The following RTTN variants were observed in gnomAD, a reference collection of about 807,000 sequenced individuals.
RTTN encodes the protein rotatin.
RTTN carries 182 observed loss-of-function variants against 269.2 expected under a neutral mutation model. The observed-to-expected ratio is 0.68, with a 90% CI of 0.60 to 0.76. The LOEUF is 0.76. Among genes scored for constraint, RTTN ranks in the 30% least tolerant of loss-of-function variants. The pLI is 0.00. For missense variants in RTTN, 2,545 were observed against 2,608.6 expected, an observed-to-expected ratio of 0.98 and a Z score of 0.53; for synonymous variants, 1,006 against 963.5, an observed-to-expected ratio of 1.04 and a Z score of -0.82.
At chr18:70,095,998 G>GT (rs111933421) in intron 28 of RTTN, among the ~76,000 whole-genome samples, 4,863 of 137,764 alleles carry the variant, frequency 0.035, 117 homozygotes, top group African/African-American at 0.075. Flanking sequence ...ATTCCCTTTT[G>GT]TTTTTTTTTT....
In RTTN at chr18:70,128,404, T is replaced by G; in HGVS notation, c.3097A>C (p.Ser1033Arg). 1 of 1,613,112 alleles carries G rather than the reference T, an allele frequency of 6.2e-7. No individual in the cohort carries two copies. Among genetic ancestry groups the G allele is most frequent in the South Asian group, 1.1e-5 (1 of 91,020 alleles). ...TTCATTTGCTTCAACAGATTATCACTCCCATGATACCATGACAGGTTCCAA... is the reference window on the plus strand; with the variant it reads ...TTCATTTGCTTCAACAGATTATCACGCCCATGATACCATGACAGGTTCCAA... ...IAWNLSWYHG[S>R]DNLLKQMNSE... The change falls in exon 24 of 49, where the codon AGT becomes CGT. Residue 1033 changes from serine (S) to arginine (R), a missense_variant. By Grantham distance (110) the Ser-to-Arg change is moderately radical. Coordinates refer to ENST00000640769, the MANE Select transcript of RTTN (RefSeq NM_173630.4).
intron 21 of RTTN, 55 bp downstream of exon 21, chr18:70,139,544 G>T (rs2060204477): frequency 9.0e-7 from 1 of 1,112,402 alleles, no homozygotes; most frequent in Non-Finnish European, 1.3e-6. Context: ...AATTAAAGAA[G>T]AAACACTTAA....
intron 35 of RTTN, 25 bp from the exon 36 acceptor site, chr18:70,060,067 A>T (rs2057934825): frequency 6.4e-7 from 1 of 1,559,980 alleles, no homozygotes; most frequent in African/African-American, 1.4e-5. Context: ...AAACATAAGA[A>T]TTATTATTTA....
intron 37 of RTTN, among the ~76,000 whole-genome samples, chr18:70,056,476 T>G (rs1459625710): frequency 1.1e-4 from 16 of 152,240 alleles, no homozygotes; most frequent in Admixed American, 1.0e-3. Flanking sequence ...TGTTTGCTAC[T>G]GCTATTATTC....
chr18:70,092,053 C>A, intron 30 of RTTN, 57 bp downstream of exon 30: 1 of 1,120,926 alleles, frequency 8.9e-7, no homozygotes, highest in African/African-American at 1.5e-5. Flanking sequence ...GCACCTGGCC[C>A]CGTGTCATTT....
intron 9 of RTTN, among the ~76,000 whole-genome samples, chr18:70,190,140 T>C (rs2061636694): frequency 6.6e-6 from 1 of 152,160 alleles, no homozygotes. Context: ...TTCTGGTCTA[T>C]TCATGCCAGT....
intron 35 of RTTN, chr18:70,061,422 G>A (rs188379981): frequency 6.6e-6 from 3 of 456,162 alleles, no homozygotes; most frequent in Non-Finnish European, 1.3e-5. Context: ...AATGGAGTTT[G>A]GAAAGCAAGA....
intron 11 of RTTN, among the ~76,000 whole-genome samples, chr18:70,172,866 G>C (rs997549914): frequency 1.3e-5 from 2 of 152,070 alleles, no homozygotes; most frequent in African/African-American, 4.8e-5. Flanking sequence ...CCCATAGATA[G>C]ATTGACCATT....
chr18:70,152,719 A>G (rs2060570470), intron 14 of RTTN, among the ~76,000 whole-genome samples: 1 of 152,098 alleles, frequency 6.6e-6, no homozygotes, highest in African/African-American at 2.4e-5. Context: ...AATTAGCTCC[A>G]CGTCCGTAAT....
chr18:70,131,103 T>C (rs547461368), intron 23 of RTTN: 1 of 149,124 alleles, frequency 6.7e-6, no homozygotes, highest in African/African-American at 2.5e-5. Context: ...TAGAATTCTA[T>C]ACCTAGTGAT....
chr18:70,018,466 T>G (rs12957935), intron 45 of RTTN, among the ~76,000 whole-genome samples: 118,739 of 152,204 alleles, frequency 0.78, 52,371 homozygotes, highest in East Asian at 1. Context: ...CACTTAACTT[T>G]TATGATTGCA....
intron 10 of RTTN, among the ~76,000 whole-genome samples, chr18:70,181,341 G>A (rs2061417476): frequency 6.6e-6 from 1 of 152,152 alleles, no homozygotes. Flanking sequence ...GGCAGGAGGT[G>A]AAAGCTACTT....
At chr18:70,110,136 C>G (rs983443176) in intron 27 of RTTN, among the ~76,000 whole-genome samples, 1 of 151,800 alleles carries the variant, frequency 6.6e-6, no homozygotes, top group Admixed American at 6.6e-5. Context: ...GAAGCTGAGG[C>G]AGGAGGATCT....
chr18:70,011,425 C>T (rs563931895), intron 46 of RTTN, among the ~76,000 whole-genome samples: 8 of 152,306 alleles, frequency 5.3e-5, no homozygotes, highest in African/African-American at 1.9e-4. Context: ...GGATGCAAGG[C>T]TGGTTCAACA....
At chr18:70,135,141 T>C (rs1223545145) in intron 22 of RTTN, 43 bp downstream of exon 22, 7 of 1,110,246 alleles carry the variant, frequency 6.3e-6, no homozygotes, top group South Asian at 2.8e-5. Context: ...ATACCTGAGA[T>C]AAATAGTTAA....
chr18:70,205,643 G>T lies in RTTN; in HGVS notation c.16C>A (p.Leu6Ile). 1 of 1,614,154 alleles carries T rather than the reference G, an allele frequency of 6.2e-7. No individual in the cohort carries two copies. Among genetic ancestry groups the T allele is most frequent in the Non-Finnish European group, 8.5e-7 (1 of 1,180,022 alleles). ...TGACAGTTACCGAGTTTCCTGATGA[G>T]CCCTGCCAGGACCATCTCGTCCCGT... MVLAG[L>I]IRKLGHQLAE... The change falls in exon 1 of 49, where the codon CTC becomes ATC. Residue 6 changes from leucine (L) to isoleucine (I), a missense_variant. Leu to Ile is a conservative substitution (Grantham distance 5). Coordinates refer to ENST00000640769, the MANE Select transcript of RTTN (RefSeq NM_173630.4).
intron 28 of RTTN, among the ~76,000 whole-genome samples, chr18:70,095,362 G>A (rs1400786257): frequency 1.3e-5 from 2 of 152,070 alleles, no homozygotes; most frequent in Non-Finnish European, 2.9e-5. Flanking sequence ...TGGTTATTTT[G>A]CCCATTAGTT....
chr18:70,012,708 C>T (rs9962111), intron 46 of RTTN, among the ~76,000 whole-genome samples: 2,776 of 151,378 alleles, frequency 0.018, 74 homozygotes, highest in African/African-American at 0.064. Context: ...TACAGGGCAG[C>T]GTCTGCTCAC....
chr18:70,116,605 C>T (rs935664027), intron 26 of RTTN, among the ~76,000 whole-genome samples: 4 of 152,134 alleles, frequency 2.6e-5, no homozygotes, highest in South Asian at 2.1e-4. Flanking sequence ...TGTCTTTAGA[C>T]GTTAGGATTC....
Sources: allele counts gnomAD v4.1 joint callset (sites outside exome capture counted in the v4.1 genomes callset), GRCh38; gene constraint gnomAD v4.1.1; transcripts MANE v1.5; gene names NCBI Gene and HGNC (gene_info 2026-07-23, HGNC 2026-07-21).